NCKAP5: variants seen among roughly 807,000 people sequenced by gnomAD.
NCKAP5 encodes NCK associated protein 5, also known as nck-associated protein 5.
NCKAP5 carries 92 observed loss-of-function variants against 167.0 expected under a neutral mutation model. The ratio of observed to expected loss-of-function variants is 0.55; its 90% CI spans 0.47 to 0.66. The LOEUF is 0.66. Ranked by LOEUF, NCKAP5 falls within the 30% of genes least tolerant of loss-of-function variation. The probability of loss-of-function intolerance (pLI) is 0.00; values close to 1 mark genes in which losing one functional copy is unlikely to be tolerated. For missense variants in NCKAP5, 2,378 were observed against 2,315.0 expected (o/e 1.03, Z -0.56); for synonymous variants, 891 against 877.4 (o/e 1.02, Z -0.27).
intron 4 of NCKAP5, among the ~76,000 whole-genome samples, chr2:133,232,401 G>A (rs577947893): frequency 6.3e-4 from 96 of 152,276 alleles, no homozygotes; most frequent in African/African-American, 2.2e-3. Context: ...TTGGAGAAGG[G>A]CTCAAGCCAT....
intron 3 of NCKAP5, among the ~76,000 whole-genome samples, chr2:133,376,167 A>C (rs1238932125): frequency 4.6e-5 from 7 of 152,222 alleles, no homozygotes; most frequent in Non-Finnish European, 7.3e-5. Flanking sequence ...AGAAAGGAAG[A>C]ACTGATTCCA....
At chr2:133,150,788 T>G (rs1030515322) in intron 5 of NCKAP5, among the ~76,000 whole-genome samples, 2 of 152,262 alleles carry the variant, frequency 1.3e-5, no homozygotes, top group Admixed American at 6.5e-5. Flanking sequence ...TCACCTAAAG[T>G]CATATACTAG....
intron 8 of NCKAP5, among the ~76,000 whole-genome samples, chr2:132,909,894 T>A (rs978909035): frequency 3.9e-5 from 6 of 152,220 alleles, no homozygotes; most frequent in Non-Finnish European, 1.5e-5. Context: ...CCTTACTCTA[T>A]GTGATAGGAC....
intron 3 of NCKAP5, among the ~76,000 whole-genome samples, chr2:133,512,922 A>C (rs1409871055): frequency 6.6e-6 from 1 of 151,998 alleles, no homozygotes; most frequent in Admixed American, 6.5e-5. Context: ...TCCCAGAGTG[A>C]CCTCAGCATC....
intron 3 of NCKAP5, among the ~76,000 whole-genome samples, chr2:133,487,596 G>C (rs1394773644): frequency 6.6e-6 from 1 of 152,098 alleles, no homozygotes; most frequent in Admixed American, 6.6e-5. Flanking sequence ...TATTAGGCAG[G>C]GGGGAGTTGG....
chr2:133,322,155 T>C (rs1331909096), intron 3 of NCKAP5, among the ~76,000 whole-genome samples: 1 of 152,224 alleles, frequency 6.6e-6, no homozygotes, highest in African/African-American at 2.4e-5. Flanking sequence ...GGCTAATAGA[T>C]TTTATTAATA....
chr2:133,442,052 C>A (rs185456443), intron 3 of NCKAP5, among the ~76,000 whole-genome samples: 5 of 152,198 alleles, frequency 3.3e-5, no homozygotes, highest in Non-Finnish European at 5.9e-5. Context: ...GAAACACGGA[C>A]AGAGTGCAAT....
intron 3 of NCKAP5, among the ~76,000 whole-genome samples, chr2:133,385,212 A>T (rs904465107): frequency 3.6e-4 from 55 of 152,310 alleles, no homozygotes; most frequent in African/African-American, 1.3e-3. Flanking sequence ...TTATTTTGAG[A>T]TACATCCCAT....
chr2:133,472,456 G>T (rs1033063235), intron 3 of NCKAP5, among the ~76,000 whole-genome samples: 3 of 151,912 alleles, frequency 2.0e-5, no homozygotes, highest in Non-Finnish European at 4.4e-5. Flanking sequence ...TGATTATTTT[G>T]TAAGGTTTTA....
intron 6 of NCKAP5, among the ~76,000 whole-genome samples, chr2:133,114,703 T>A (rs549820303): frequency 6.6e-6 from 1 of 152,296 alleles, no homozygotes; most frequent in African/African-American, 2.4e-5. Context: ...TGTACTTTAT[T>A]TGTTGAAAAA....
intron 6 of NCKAP5, among the ~76,000 whole-genome samples, chr2:133,062,918 A>T (rs2080057814): frequency 6.6e-6 from 1 of 152,234 alleles, no homozygotes; most frequent in Non-Finnish European, 1.5e-5. Context: ...TTAAATTATC[A>T]GTGTTTTTCT....
At chr2:133,579,806 T>G in the NCKAP5 span, among the ~76,000 whole-genome samples, 1 of 152,206 alleles carries the variant, frequency 6.6e-6, no homozygotes, top group Non-Finnish European at 1.5e-5. Context: ...TGTGTTAAAC[T>G]GAGGTATACC....
At chr2:133,086,659 A>G (rs1477989560) in intron 6 of NCKAP5, among the ~76,000 whole-genome samples, 2 of 152,132 alleles carry the variant, frequency 1.3e-5, no homozygotes, top group Non-Finnish European at 2.9e-5. Flanking sequence ...ATAAATAAAA[A>G]AAAATTTCTG....
rs186976333 is a variant in NCKAP5 at position 132,934,245 on chromosome 2, C to T, written c.579+29475G>A. On this transcript the variant is annotated intron_variant, in intron 8 of 19. Coordinates refer to ENST00000409261, the MANE Select transcript of NCKAP5 (RefSeq NM_207363.3). ...TACCTCTGGTGATGGCAACTAGAAA[C>T]TACGTGAAGTCATGGATAATTCAAC... Among the ~76,000 whole-genome samples the T allele has an allele frequency of 8.5e-5, 13 of 152,262 alleles. No individual in the cohort carries two copies. The East Asian group carries it at 2.5e-3, about 29-fold the overall frequency.
intron 11 of NCKAP5, among the ~76,000 whole-genome samples, chr2:132,835,539 T>C (rs554683958): frequency 2.7e-4 from 41 of 152,248 alleles, no homozygotes; most frequent in African/African-American, 9.4e-4. Context: ...TCTAATGTCA[T>C]TTATCTGAAT....
intron 8 of NCKAP5, among the ~76,000 whole-genome samples, chr2:132,936,063 C>T (rs1169134291): frequency 2.0e-5 from 3 of 151,090 alleles, no homozygotes; most frequent in Non-Finnish European, 4.4e-5. Context: ...CTCACTGTAA[C>T]GTCTGCCTCC....
intron 11 of NCKAP5, among the ~76,000 whole-genome samples, chr2:132,813,511 G>C (rs1334959556): frequency 1.3e-5 from 2 of 152,026 alleles, no homozygotes; most frequent in African/African-American, 4.8e-5. Context: ...GGAAGTAGGG[G>C]GTCAGTCTAG....
chr2:133,578,296 C>T, the NCKAP5 span, among the ~76,000 whole-genome samples: 12 of 152,244 alleles, frequency 7.9e-5, no homozygotes, highest in East Asian at 1.5e-3. Context: ...CCCCATCTAT[C>T]CCCCATCTAT....
chr2:132,874,883 C>A (rs190852207), intron 9 of NCKAP5, among the ~76,000 whole-genome samples: 132 of 146,682 alleles, frequency 9.0e-4, no homozygotes, highest in Middle Eastern at 3.5e-3. Context: ...CCTTGAGAAA[C>A]ACTGGGATAT....
Sources: allele counts gnomAD v4.1 joint callset (sites outside exome capture counted in the v4.1 genomes callset), GRCh38; gene constraint gnomAD v4.1.1; transcripts MANE v1.5; gene names NCBI Gene and HGNC (gene_info 2026-07-23, HGNC 2026-07-21).